Variants in ASXL1 observed in about 807,000 individuals in gnomAD.
The protein encoded by ASXL1 is ASXL transcriptional regulator 1, also known as polycomb group protein ASXL1.
A neutral mutation model predicts 89.1 loss-of-function variants in ASXL1; 65 were observed. The ratio of observed to expected loss-of-function variants is 0.73; its 90% confidence interval spans 0.60 to 0.90. The LOEUF is 0.90. ASXL1 is among the 40% of genes least tolerant of loss of function. ASXL1 has a pLI of 0.00. For missense variants in ASXL1, 1,786 were observed against 1,942.9 expected, an observed-to-expected ratio of 0.92 and a Z score of 1.52; for synonymous variants, 739 against 746.9, an observed-to-expected ratio of 0.99 and a Z score of 0.17.
At chr20:32,360,986 A>T (rs1479021252) in intron 1 of ASXL1, among the ~76,000 whole-genome samples, 2 of 152,122 alleles carry the variant, frequency 1.3e-5, no homozygotes, top group Non-Finnish European at 2.9e-5. Context: ...ACCTTAGGTT[A>T]TCCGCCCACC....
At chr20:32,418,644 A>C (rs2049180600) in intron 4 of ASXL1, among the ~76,000 whole-genome samples, 1 of 151,952 alleles carries the variant, frequency 6.6e-6, no homozygotes, top group Non-Finnish European at 1.5e-5. Flanking sequence ...TACTCATTTA[A>C]TTACTAAAAC....
rs545230525 is a variant in ASXL1 at position 32,359,043 on chromosome 20, G to GC, written c.57+219dup. 5,584 of 597,594 alleles carry GC rather than the reference G, an allele frequency of 9.3e-3. 183 individuals are homozygous for GC. Among genetic ancestry groups the GC allele is most frequent in the Admixed American group, 0.085 (2,737 of 32,358 alleles). The allele number at this position is 597,594 out of a possible 1,614,324, so 37.0% of individuals were successfully genotyped here. ...GGCGCCTTTTTCCGCTCGCCCTCGC[G>GC]CCCCCCCCGCCCCGCGCAGCTAAAT... On this transcript the variant is annotated intron_variant, in intron 1 of 12. Transcript: ENST00000375687.
chr20:32,426,554 C>CTTTTTTTTTTTTTT (rs1177815042), intron 4 of ASXL1, among the ~76,000 whole-genome samples: 18 of 83,946 alleles, frequency 2.1e-4, no homozygotes, highest in African/African-American at 7.3e-4. Context: ...TTTTTTCTTT[C>CTTTTTTTTTTTTTT]TTTTTTTTTT....
At position 32,380,363 on chromosome 20, in the gene ASXL1, T is replaced by C. The variant is rs532138617; in HGVS notation, c.252+11240T>C. ...AGTTTACAAATAAAGGAAAAAGCAGTGGAGGAAGAGAGTGAGATAATTACT... is the reference window on the plus strand; with the variant it reads ...AGTTTACAAATAAAGGAAAAAGCAGCGGAGGAAGAGAGTGAGATAATTACT... On this transcript the variant is annotated intron_variant, in intron 4 of 12. Transcript: ENST00000375687. Among the ~76,000 whole-genome samples the C allele has an allele frequency of 2.6e-5, 4 of 152,170 alleles. No homozygotes were observed. In the South Asian group the frequency reaches 8.3e-4, roughly 32 times the overall value.
At chr20:32,399,256 C>G (rs150680383) in intron 4 of ASXL1, among the ~76,000 whole-genome samples, 187 of 150,314 alleles carry the variant, frequency 1.2e-3, no homozygotes, top group African/African-American at 4.1e-3. Flanking sequence ...TTTTTTCTTT[C>G]AATACTTTAA....
chr20:32,426,422 T>C (rs1259311911), intron 4 of ASXL1, among the ~76,000 whole-genome samples: 3 of 152,100 alleles, frequency 2.0e-5, no homozygotes, highest in Admixed American at 2.0e-4. Context: ...TTAAATTTGT[T>C]TTATTATACC....
intron 4 of ASXL1, among the ~76,000 whole-genome samples, chr20:32,407,319 G>C: frequency 6.6e-6 from 1 of 151,450 alleles, no homozygotes; most frequent in Non-Finnish European, 1.5e-5. Context: ...TCTCCAACCT[G>C]GGCAACAGAG....
Position 32,439,225 on chromosome 20 carries a change from G to A in ASXL1, c.*1887G>A, listed in dbSNP as rs2012083984. ...ACCTTTGGGGACACTCAAGGGTACA[G>A]TTTGACACTGATCTGGTCCATGAGG... On this transcript the variant is annotated 3_prime_UTR_variant, in exon 13 of 13. Coordinates refer to ENST00000375687, the MANE Select transcript of ASXL1 (RefSeq NM_015338.6). The A allele has an allele frequency of 4.3e-6, 1 of 233,378 alleles. No individual in the cohort carries two copies. Among genetic ancestry groups the A allele is most frequent in the Non-Finnish European group, 8.5e-6 (1 of 117,944 alleles). The allele number at this position is 233,378 out of a possible 1,614,324, so 14.5% of individuals were successfully genotyped here.
rs892125817 is a variant in ASXL1 at position 32,415,352 on chromosome 20, T to A, written c.253-12776T>A. On this transcript the variant is annotated intron_variant, in intron 4 of 12. Transcript: ENST00000375687. ...TGTTGGTCTTATTTAGAGTGTGGCATCTCACTCCATGCCCCATCCCTTGAG... is the reference window on the plus strand; with the variant it reads ...TGTTGGTCTTATTTAGAGTGTGGCAACTCACTCCATGCCCCATCCCTTGAG... 3.9e-5 allele frequency among the ~76,000 whole-genome samples: 6 copies of A among 152,286 alleles called. No individual in the cohort carries two copies. In the South Asian group the frequency reaches 6.2e-4, roughly 16 times the overall value.
At chr20:32,379,161 C>CTTTTTTTTT (rs71187113) in intron 4 of ASXL1, among the ~76,000 whole-genome samples, 25 of 61,794 alleles carry the variant, frequency 4.0e-4, no homozygotes, top group Non-Finnish European at 5.3e-4. Context: ...TAACTTCAGT[C>CTTTTTTTTT]TTTTTTTTTT....
intron 4 of ASXL1, among the ~76,000 whole-genome samples, chr20:32,422,379 C>A (rs1391176647): frequency 6.7e-6 from 1 of 148,810 alleles, no homozygotes; most frequent in Non-Finnish European, 1.5e-5. Context: ...TACATTGATC[C>A]AAGGGCATTC....
intron 4 of ASXL1, among the ~76,000 whole-genome samples, chr20:32,394,825 T>A: frequency 6.6e-6 from 1 of 152,196 alleles, no homozygotes; most frequent in South Asian, 2.1e-4. Flanking sequence ...GTGATTCTTA[T>A]GCCTCAGCCT....
Position 32,428,121 on chromosome 20 carries a change from G to T in ASXL1, c.253-7G>T, listed in dbSNP as rs765977160. 1.2e-6 allele frequency: 2 copies of T among 1,613,038 alleles called. No individual in the cohort carries two copies. The highest frequency in any genetic ancestry group is 1.7e-6 in the Non-Finnish European group (2 of 1,180,022). ...TTGTTCACCTGAGTTGTACCTTGCT[G>T]TCACAGAAGGATGCCCTGCAGTGGT... On this transcript the variant is annotated splice_region_variant and splice_polypyrimidine_tract_variant and intron_variant, in intron 4 of 12. Transcript: ENST00000375687.
At chr20:32,366,537 T>G in intron 2 of ASXL1, 71 bp downstream of exon 2, 9 of 1,610,958 alleles carry the variant, frequency 5.6e-6, no homozygotes, top group Non-Finnish European at 6.8e-6. Context: ...TGTAGTGATA[T>G]GAGTAAGTAC....
chr20:32,399,499 T>A (rs762945824), intron 4 of ASXL1, among the ~76,000 whole-genome samples: 1 of 142,082 alleles, frequency 7.0e-6, no homozygotes, highest in Non-Finnish European at 1.6e-5. Context: ...AGGTTTCGGA[T>A]TTTTTTTTTT....
At position 32,429,185 on chromosome 20, in the gene ASXL1, C is replaced by T; in HGVS notation, c.472-153C>T. 1.3e-6 allele frequency: 1 copy of T among 762,912 alleles called. No homozygotes were observed. Among genetic ancestry groups the T allele is most frequent in the Non-Finnish European group, 2.3e-6 (1 of 438,646 alleles). 47.3% of individuals were successfully genotyped at this position (762,912 alleles called of 1,614,324 possible). A position where few individuals can be genotyped will look rare whatever the true frequency, so the allele number is the denominator to read the frequency against. ...CAGTGACCAGCACGTAGCTCAGTAACATTAACCAGTGCTCTTGTCAGCATT... is the reference window on the plus strand; with the variant it reads ...CAGTGACCAGCACGTAGCTCAGTAATATTAACCAGTGCTCTTGTCAGCATT... On this transcript the variant is annotated intron_variant, in intron 6 of 12. Transcript: ENST00000375687. This position sits in a 1 kb window ranked among gnomAD's most constrained non-coding sequence, Gnocchi z 4.9.
In ASXL1 at chr20:32,435,290, A is replaced by C; in HGVS notation, c.2578A>C (p.Arg860=). ...CTCACCGACTGATTGCCTGCAGAAC[A>C]GAGCATTTGATGACGAATTAGGGCT... ...ESSPTDCLQN[R]AFDDELGLGG... Residue 860 remains arginine, a synonymous_variant, in exon 13 of 13, where the codon AGA becomes CGA. Transcript: ENST00000375687. The C allele has an allele frequency of 6.2e-7, 1 of 1,614,222 alleles. No individual in the cohort carries two copies. Among genetic ancestry groups the C allele is most frequent in the Non-Finnish European group, 8.5e-7 (1 of 1,180,042 alleles).
intron 1 of ASXL1, among the ~76,000 whole-genome samples, chr20:32,365,149 A>G (rs1470051819): frequency 6.6e-6 from 1 of 152,248 alleles, no homozygotes; most frequent in Non-Finnish European, 1.5e-5. Context: ...ATGAAGGGGT[A>G]TAGTCAGTAC....
intron 4 of ASXL1, among the ~76,000 whole-genome samples, chr20:32,422,747 C>T (rs750401962): frequency 8.6e-5 from 13 of 151,084 alleles, no homozygotes; most frequent in South Asian, 2.1e-4. Context: ...CCACCATGCC[C>T]GGCTAATTTT....
Sources: gnomAD v4.1 joint callset for allele counts (sites outside exome capture counted in the v4.1 genomes callset) on GRCh38, gnomAD v4.1.1 for gene constraint, Gnocchi (gnomAD v3.1) non-coding constraint, MANE v1.5 for transcripts, NCBI Gene and HGNC (gene_info 2026-07-23, HGNC 2026-07-21) for gene names.